RARA: variants seen among roughly 807,000 people sequenced by gnomAD.
RARA encodes the protein retinoic acid receptor alpha, also known as PML-DDX5-RARA fusion.
Under a neutral mutation model 42.8 loss-of-function variants are expected in RARA, and 5 were observed. The observed-to-expected ratio is 0.12, with a 90% CI of 0.06 to 0.25. The LOEUF is 0.25. Among genes scored for constraint, RARA ranks in the 10% least tolerant of loss-of-function variants. The pLI is 1.00. For synonymous variants in RARA, 256 were observed against 259.5 expected (o/e 0.99, Z 0.13); for missense variants, 402 against 628.7 (o/e 0.64, Z 3.86).
intron 1 of RARA, among the ~76,000 whole-genome samples, chr17:40,327,887 C>T (rs952162126): frequency 4.6e-5 from 7 of 152,164 alleles, no homozygotes; most frequent in African/African-American, 1.2e-4. Flanking sequence ...GGGGCCAGGG[C>T]GGCAACTGGT....
chr17:40,320,706 C>G lies in RARA; in HGVS notation c.-362-10151C>G, dbSNP rs2033349933. 6.6e-6 allele frequency among the ~76,000 whole-genome samples: 1 copy of G among 152,160 alleles called. No homozygotes were observed. Among genetic ancestry groups the G allele is most frequent in the African/African-American group, 2.4e-5 (1 of 41,426 alleles). On this transcript the variant is annotated intron_variant, in intron 1 of 8. Coordinates refer to ENST00000254066, the MANE Select transcript of RARA (RefSeq NM_000964.4). The surrounding 1 kb of genome is among the most constrained non-coding windows in gnomAD (Gnocchi z 4.1). The stretch of plus-strand genomic sequence containing the variant: ...TTTCCAGTCCTCTTGGAAGCATGGG[C>G]AGGACAGGACTTAGGCTAGGCTGGA...
intron 1 of RARA, among the ~76,000 whole-genome samples, chr17:40,310,989 A>G (rs925136337): frequency 6.6e-6 from 1 of 152,102 alleles, no homozygotes; most frequent in Non-Finnish European, 1.5e-5. Flanking sequence ...TGCAGGTTGT[A>G]GCTGTTACCA....
rs200625191 is a variant in RARA at position 40,351,900 on chromosome 17, C to T, written c.470-10C>T. 5.4e-5 allele frequency: 87 copies of T among 1,609,010 alleles called. No individual in the cohort carries two copies. The African/African-American group carries it at 1.1e-3, about 20-fold the overall frequency. Reference sequence around the variant, plus strand: ...GCAGCTGCCCTCTTAACCCCCTCTGCCCTCCACAGCTGTGAGAAACGACCG... The same window carrying T: ...GCAGCTGCCCTCTTAACCCCCTCTGTCCTCCACAGCTGTGAGAAACGACCG... On this transcript the variant is annotated splice_polypyrimidine_tract_variant and intron_variant, in intron 4 of 8. Coordinates refer to ENST00000254066, the MANE Select transcript of RARA (RefSeq NM_000964.4). This position sits in a 1 kb window ranked among gnomAD's most constrained non-coding sequence, Gnocchi z 4.1.
chr17:40,348,553 G>T (rs947309923), intron 3 of RARA, 89 bp downstream of exon 3: 1 of 1,456,502 alleles, frequency 6.9e-7, no homozygotes, highest in East Asian at 2.7e-5. Context: ...CAGTTGGGGG[G>T]TGTCCCTGAA....
Position 40,356,745 on chromosome 17 carries a change from TTTTAA to T in RARA, c.*523_*527del, listed in dbSNP as rs1211529399. 3 of 529,728 alleles carry T rather than the reference TTTTAA, an allele frequency of 5.7e-6. No homozygotes were observed. The highest frequency in any genetic ancestry group is 3.8e-5 in the African/African-American group (2 of 53,172). The allele number at this position is 529,728 out of a possible 1,614,324, so 32.8% of individuals were successfully genotyped here. On this transcript the variant is annotated 3_prime_UTR_variant, in exon 9 of 9. Coordinates refer to ENST00000254066, the MANE Select transcript of RARA (RefSeq NM_000964.4). ...TTAATTCTCGCTGGTTTTGTTTTTA[TTTTAA>T]TTTTTTTGTTTTGATTTTTTTAATA...
chr17:40,352,142 C>A lies in RARA; in HGVS notation c.630+72C>A. Reference sequence around the variant, plus strand: ...AGGGCCAGGATGGGCCCCTCTCAGGCACCCCTTCTTGTGCCAGGCAAGATC... The same window carrying A: ...AGGGCCAGGATGGGCCCCTCTCAGGAACCCCTTCTTGTGCCAGGCAAGATC... On this transcript the variant is annotated intron_variant, in intron 5 of 8. Coordinates refer to ENST00000254066, the MANE Select transcript of RARA (RefSeq NM_000964.4). The surrounding 1 kb of genome is among the most constrained non-coding windows in gnomAD (Gnocchi z 4.9). 3 of 1,472,676 alleles carry A rather than the reference C, an allele frequency of 2.0e-6. No individual in the cohort carries two copies. Among genetic ancestry groups the A allele is most frequent in the Non-Finnish European group, 2.7e-6 (3 of 1,115,440 alleles). 91.2% of individuals were successfully genotyped at this position (1,472,676 alleles called of 1,614,324 possible).
intron 1 of RARA, among the ~76,000 whole-genome samples, chr17:40,313,858 A>T (rs1460848573): frequency 1.3e-5 from 2 of 152,104 alleles, no homozygotes; most frequent in Admixed American, 1.3e-4. Context: ...GTGTGTGAGA[A>T]ATCAATAGTG....
intron 2 of RARA, among the ~76,000 whole-genome samples, chr17:40,334,919 C>T (rs989846434): frequency 6.6e-6 from 1 of 152,176 alleles, no homozygotes; most frequent in Non-Finnish European, 1.5e-5. Context: ...TGTTCTGCTA[C>T]AGCCAGGGTG....
intron 1 of RARA, among the ~76,000 whole-genome samples, chr17:40,310,438 C>T (rs1007449800): frequency 5.3e-5 from 8 of 152,056 alleles, no homozygotes; most frequent in African/African-American, 1.9e-4. Context: ...TGAGGGAACT[C>T]CTCTAGCAAT....
chr17:40,340,057 T>G (rs2143359469), intron 2 of RARA, among the ~76,000 whole-genome samples: 1 of 152,294 alleles, frequency 6.6e-6, no homozygotes, highest in Non-Finnish European at 1.5e-5. Flanking sequence ...TCTCAGGAAC[T>G]TCACTGATGC....
chr17:40,324,153 G>A (rs2033471987), intron 1 of RARA, among the ~76,000 whole-genome samples: 2 of 152,188 alleles, frequency 1.3e-5, no homozygotes, highest in Non-Finnish European at 2.9e-5. Context: ...CAGGCTGGAT[G>A]TGAGGTCGGT....
At chr17:40,342,684 C>G in intron 2 of RARA, 1 of 1,604,776 alleles carries the variant, frequency 6.2e-7, no homozygotes, top group African/African-American at 1.3e-5. Context: ...CAGCTCGGAC[C>G]TCTTGCCTTC....
At position 40,356,600 on chromosome 17, in the gene RARA, A is replaced by C; in HGVS notation, c.*374A>C. ...TGGCTCCCCCATCCTCAGAACTCAC[A>C]AGCCATTGCTCCCCAGCTGGGGAAC... On this transcript the variant is annotated 3_prime_UTR_variant, in exon 9 of 9. Transcript: ENST00000254066. 1.8e-6 allele frequency: 1 copy of C among 551,444 alleles called. No homozygotes were observed. The highest frequency in any genetic ancestry group is 3.5e-6 in the Non-Finnish European group (1 of 287,166). 34.2% of individuals were successfully genotyped at this position (551,444 alleles called of 1,614,324 possible).
chr17:40,353,392 C>T (rs2034515938), intron 6 of RARA, among the ~76,000 whole-genome samples: 1 of 152,148 alleles, frequency 6.6e-6, no homozygotes, highest in African/African-American at 2.4e-5. Context: ...TCCACCTGTT[C>T]CCTCTTGGTC....
intron 6 of RARA, among the ~76,000 whole-genome samples, chr17:40,353,321 A>T (rs1040079478): frequency 2.6e-5 from 4 of 152,218 alleles, no homozygotes; most frequent in Admixed American, 2.6e-4. Flanking sequence ...GGTGGTGGGA[A>T]CTGCCAAAGC....
rs189852846 is a variant in RARA, at chr17:40,346,537, G to A, written c.179-1779G>A. Among the ~76,000 whole-genome samples the A allele has an allele frequency of 1.7e-3, 255 of 149,318 alleles. 1 individual carries two copies. Among genetic ancestry groups the A allele is most frequent in the Middle Eastern group, 3.4e-3 (1 of 292 alleles). On this transcript the variant is annotated intron_variant, in intron 2 of 8. Transcript: ENST00000254066. ...TCCCCTCCCCCCACCAGTCTGGATT[G>A]TCTATTGTTACTGCTTTTACGTCTT... is the stretch of plus-strand genomic sequence containing the variant.
In RARA at chr17:40,320,891, T is replaced by C. The variant is rs1292012852; in HGVS notation, c.-362-9966T>C. Reference sequence around the variant, plus strand: ...ACCCACACCCATCTTGTGTCGGTAGTTTTGGGAGTGTGGGAAGCTGGCAGG... The same window carrying C: ...ACCCACACCCATCTTGTGTCGGTAGCTTTGGGAGTGTGGGAAGCTGGCAGG... On this transcript the variant is annotated intron_variant, in intron 1 of 8. Transcript: ENST00000254066. This position sits in a 1 kb window ranked among gnomAD's most constrained non-coding sequence, Gnocchi z 4.1. Among the ~76,000 whole-genome samples, 2 of 152,054 alleles carry C rather than the reference T, an allele frequency of 1.3e-5. No homozygotes were observed. The highest frequency in any genetic ancestry group is 2.9e-5 in the Non-Finnish European group (2 of 68,000).
intron 1 of RARA, among the ~76,000 whole-genome samples, chr17:40,316,880 C>T (rs1221562956): frequency 1.3e-5 from 2 of 151,976 alleles, no homozygotes; most frequent in South Asian, 2.1e-4. Context: ...GAGACAGCTC[C>T]GGCCCAGCAG....
At chr17:40,318,070 T>C (rs560038287) in intron 1 of RARA, among the ~76,000 whole-genome samples, 1 of 152,212 alleles carries the variant, frequency 6.6e-6, no homozygotes, top group African/African-American at 2.4e-5. Context: ...GGTCCAGTCT[T>C]CAACTAGGAG....
Sources: allele counts gnomAD v4.1 joint callset (sites outside exome capture counted in the v4.1 genomes callset), GRCh38; gene constraint gnomAD v4.1.1; non-coding constraint Gnocchi (gnomAD v3.1); transcripts MANE v1.5; gene names NCBI Gene and HGNC (gene_info 2026-07-23, HGNC 2026-07-21).